CTSC: variants seen among roughly 807,000 people sequenced by gnomAD.
CTSC encodes the protein dipeptidyl peptidase 1.
Under a neutral mutation model 40.9 loss-of-function variants are expected in CTSC, and 37 were observed. That is an observed-to-expected ratio of 0.91 (90% CI 0.70 to 1.19). The LOEUF (loss-of-function observed/expected upper bound fraction) is 1.19, where lower values mean the gene tolerates loss of function less well. Ranked by LOEUF, CTSC falls within the 50% of genes most tolerant of loss-of-function variation. CTSC has a pLI of 0.00. For synonymous variants in CTSC, 232 were observed against 207.4 expected, an observed-to-expected ratio of 1.12 and a Z score of -1.02; for missense variants, 594 against 567.3, an observed-to-expected ratio of 1.05 and a Z score of -0.48.
intron 1 of CTSC, among the ~76,000 whole-genome samples, chr11:88,337,072 G>A (rs1938515928): frequency 6.6e-6 from 1 of 152,040 alleles, no homozygotes; most frequent in Non-Finnish European, 1.5e-5. Flanking sequence ...CTAACAAAAA[G>A]AGAAAACTTC....
intron 2 of CTSC, among the ~76,000 whole-genome samples, chr11:88,316,505 G>A (rs373214337): frequency 4.6e-5 from 3 of 64,666 alleles, no homozygotes; most frequent in Admixed American, 1.7e-4. Flanking sequence ...ATAAATAAAT[G>A]AAGCAGGGAT....
chr11:88,304,723 C>T (rs375503849), intron 4 of CTSC, among the ~76,000 whole-genome samples: 33 of 152,288 alleles, frequency 2.2e-4, no homozygotes, highest in African/African-American at 7.5e-4. Context: ...CAGCTAAAAC[C>T]CACCAAAACC....
At chr11:88,332,548 A>T (rs1338795566) in intron 2 of CTSC, among the ~76,000 whole-genome samples, 1 of 152,166 alleles carries the variant, frequency 6.6e-6, no homozygotes, top group African/African-American at 2.4e-5. Flanking sequence ...TTGCAATTGG[A>T]TTTACTAAAA....
At chr11:88,328,272 G>C in intron 2 of CTSC, 1 of 1,032,732 alleles carries the variant, frequency 9.7e-7, no homozygotes, top group South Asian at 1.3e-5. Flanking sequence ...ACATAAAATA[G>C]TTAGGCAGGC....
rs755831269 is a variant in CTSC, at chr11:88,312,438, G to A, written c.435C>T (p.Ala145=). 1.2e-6 allele frequency: 2 copies of A among 1,614,006 alleles called. No homozygotes were observed. The highest frequency in any genetic ancestry group is 2.7e-5 in the African/African-American group (2 of 74,916). The change falls in exon 3 of 7, where the codon GCC becomes GCT. Residue 145 remains alanine, a synonymous_variant. Coordinates refer to ENST00000227266, the MANE Select transcript of CTSC (RefSeq NM_001814.6). The part of the protein sequence containing the change: ...ACFTGKKVGT[A]SENVYVNIAH... Reference sequence around the variant, plus strand: ...CTATGTTGACATACACATTCTCAGAGGCAGTTCCCACCTTCTTTCCGGTGA... The same window carrying A: ...CTATGTTGACATACACATTCTCAGAAGCAGTTCCCACCTTCTTTCCGGTGA...
intron 4 of CTSC, among the ~76,000 whole-genome samples, chr11:88,303,665 C>T (rs958879898): frequency 2.0e-5 from 3 of 152,152 alleles, no homozygotes; most frequent in South Asian, 4.1e-4. Context: ...CCTTGTGAGC[C>T]TTATATGGGG....
Position 88,294,454 on chromosome 11 carries a change from C to A in CTSC, c.944G>T (p.Gly315Val). The A allele has an allele frequency of 6.2e-7, 1 of 1,614,062 alleles. No individual in the cohort carries two copies. The highest frequency in any genetic ancestry group is 8.5e-7 in the Non-Finnish European group (1 of 1,180,010). Residue 315 changes from glycine to valine, a missense_variant, in exon 7 of 7, where the codon GGG becomes GTG. Coordinates refer to ENST00000227266, the MANE Select transcript of CTSC (RefSeq NM_001814.6). Reference sequence around the variant, plus strand: ...GGGGAAGCAAGCTTCTTCCACCAGCCCAAAATCTTGGGCGTACTTTCCTGC... The same window carrying A: ...GGGGAAGCAAGCTTCTTCCACCAGCACAAAATCTTGGGCGTACTTTCCTGC... The part of the protein sequence containing the change: ...LIAGKYAQDF[G>V]LVEEACFPYT...
intron 2 of CTSC, 35 bp from the exon 3 acceptor site, chr11:88,312,589 A>G: frequency 6.2e-7 from 1 of 1,612,730 alleles, no homozygotes; most frequent in Non-Finnish European, 8.5e-7. Flanking sequence ...AACCAAGTAA[A>G]ATCTGTCTTC....
rs768836818 is a variant in CTSC, at chr11:88,335,018, G to A, written c.237C>T (p.Gly79=). The A allele has an allele frequency of 3.1e-6, 5 of 1,607,072 alleles. No homozygotes were observed. The African/African-American group carries it at 4.0e-5, about 13-fold the overall frequency. Residue 79 remains glycine (G), a synonymous_variant, in exon 2 of 7, where the codon GGC becomes GGT. Transcript: ENST00000227266. ...AAATGATGGTGAAATGGCCAGAATTGCCAAGGTCATCATATGCTGTATCCA... is the reference window on the plus strand; with the variant it reads ...AAATGATGGTGAAATGGCCAGAATTACCAAGGTCATCATATGCTGTATCCA... ...QKLDTAYDDL[G]NSGHFTIIYN... is the part of the protein sequence containing the mutation.
intron 5 of CTSC, chr11:88,299,272 C>T (rs1460584648): frequency 6.6e-6 from 1 of 152,176 alleles, no homozygotes; most frequent in African/African-American, 2.4e-5. Context: ...GATAGCATAA[C>T]TTGCAATCTC....
At chr11:88,328,167 G>T in intron 2 of CTSC, 1 of 1,613,426 alleles carries the variant, frequency 6.2e-7, no homozygotes, top group African/African-American at 1.3e-5. Context: ...CCAGCTGCAT[G>T]AACAAATGAC....
chr11:88,317,511 C>G (rs74528963), intron 2 of CTSC, among the ~76,000 whole-genome samples: 1 of 152,128 alleles, frequency 6.6e-6, no homozygotes, highest in Non-Finnish European at 1.5e-5. Flanking sequence ...CCACTCTGCA[C>G]GACAACAACT....
intron 4 of CTSC, among the ~76,000 whole-genome samples, chr11:88,306,599 A>G (rs1044466221): frequency 6.6e-6 from 1 of 152,156 alleles, no homozygotes; most frequent in Non-Finnish European, 1.5e-5. Context: ...GAGAACAGGA[A>G]CAAGTGGACT....
intron 2 of CTSC, among the ~76,000 whole-genome samples, chr11:88,330,877 C>T (rs1259176335): frequency 2.0e-5 from 3 of 152,122 alleles, no homozygotes; most frequent in African/African-American, 7.2e-5. Flanking sequence ...TTCAGATAAG[C>T]CCTGAATAAA....
chr11:88,325,791 A>G (rs1236018754), intron 2 of CTSC: 1 of 985,820 alleles, frequency 1.0e-6, no homozygotes, highest in African/African-American at 1.7e-5. Context: ...TAGCAGTCTG[A>G]CATATCTGAG....
At position 88,335,136 on chromosome 11, in the gene CTSC, G is replaced by A. The variant is rs560185769; in HGVS notation, c.173-54C>T. 26 of 1,161,096 alleles carry A rather than the reference G, an allele frequency of 2.2e-5. No individual in the cohort carries two copies. The East Asian group carries it at 3.3e-4, about 15-fold the overall frequency. 71.9% of individuals were successfully genotyped at this position (1,161,096 alleles called of 1,614,324 possible). A position where few individuals can be genotyped will look rare whatever the true frequency, so the allele number is the denominator to read the frequency against. On this transcript the variant is annotated intron_variant, in intron 1 of 6. Coordinates refer to ENST00000227266, the MANE Select transcript of CTSC (RefSeq NM_001814.6). ...AGGAAAATTATTTGGATTTCAATAGGGGAAAGAATCCCCCAATTTCAATTT... is the reference window on the plus strand; with the variant it reads ...AGGAAAATTATTTGGATTTCAATAGAGGAAAGAATCCCCCAATTTCAATTT...
At chr11:88,333,579 G>A (rs530601353) in intron 2 of CTSC, among the ~76,000 whole-genome samples, 61 of 152,322 alleles carry the variant, frequency 4.0e-4, no homozygotes, top group African/African-American at 1.4e-3. Flanking sequence ...GTAACTGTAA[G>A]AGGTCTGCAA....
chr11:88,324,479 T>C, intron 2 of CTSC: 4 of 982,188 alleles, frequency 4.1e-6, no homozygotes, highest in Non-Finnish European at 4.8e-6. Flanking sequence ...GCACCATTCC[T>C]GATTTGTCTT....
chr11:88,300,152 C>G (rs1944342390), intron 5 of CTSC, among the ~76,000 whole-genome samples: 1 of 152,074 alleles, frequency 6.6e-6, no homozygotes, highest in Admixed American at 6.5e-5. Context: ...TGGGGGAATA[C>G]AGGAACAGGT....
Sources: allele counts gnomAD v4.1 joint callset (sites outside exome capture counted in the v4.1 genomes callset), GRCh38; gene constraint gnomAD v4.1.1; transcripts MANE v1.5; gene names NCBI Gene and HGNC (gene_info 2026-07-23, HGNC 2026-07-21).